Variants in ADGRB1 observed in about 807,000 individuals in gnomAD.
The protein encoded by ADGRB1 is brain-specific angiogenesis inhibitor 1.
Under a neutral mutation model 175.7 loss-of-function variants are expected in ADGRB1, and 36 were observed. The observed-to-expected ratio is 0.20, with a 90% CI of 0.16 to 0.27. The LOEUF is 0.27. Among genes scored for constraint, ADGRB1 ranks in the 10% least tolerant of loss-of-function variants. ADGRB1 has a pLI of 1.00. For synonymous variants in ADGRB1, 1,054 were observed against 979.4 expected, an observed-to-expected ratio of 1.08 and a Z score of -1.42; for missense variants, 1,731 against 2,255.3, an observed-to-expected ratio of 0.77 and a Z score of 4.71.
intron 18 of ADGRB1, among the ~76,000 whole-genome samples, chr8:142,516,830 C>A (rs1843477328): frequency 6.6e-6 from 1 of 152,158 alleles, no homozygotes. Context: ...TGGCTTATGA[C>A]TCAGGTGATG....
At position 142,484,640 on chromosome 8, in the gene ADGRB1, C is replaced by G; in HGVS notation, c.2200-16C>G. On this transcript the variant is annotated splice_polypyrimidine_tract_variant and intron_variant, in intron 12 of 30. Transcript: ENST00000517894. The stretch of plus-strand genomic sequence containing the variant: ...TGGGGCCTCCTCCCTCGGCTGCTCA[C>G]CCCCCTGCCCTCCAGGCGGGCCCCA... 6.3e-7 allele frequency: 1 copy of G among 1,598,720 alleles called. No individual in the cohort carries two copies. The highest frequency in any genetic ancestry group is 8.5e-7 in the Non-Finnish European group (1 of 1,173,586).
chr8:142,490,650 G>C (rs1290905370), intron 16 of ADGRB1, 122 bp from the exon 17 acceptor site: 12 of 1,201,172 alleles, frequency 1.0e-5, no homozygotes, highest in East Asian at 5.2e-5. Context: ...AACGCAGTCT[G>C]TTCAGGGACC....
intron 13 of ADGRB1, among the ~76,000 whole-genome samples, chr8:142,486,054 G>C (rs1161407419): frequency 6.6e-6 from 1 of 152,154 alleles, no homozygotes; most frequent in East Asian, 1.9e-4. Context: ...AGATGAAATT[G>C]GGGATTCAAT....
intron 18 of ADGRB1, among the ~76,000 whole-genome samples, chr8:142,514,979 G>T (rs1290322733): frequency 1.3e-5 from 2 of 152,152 alleles, no homozygotes; most frequent in South Asian, 2.1e-4. Context: ...GGGTAGAAAT[G>T]AGTCCTTAGG....
Position 142,477,285 on chromosome 8 carries a change from G to A in ADGRB1, c.1222+7G>A. On this transcript the variant is annotated splice_region_variant and intron_variant, in intron 5 of 30. Transcript: ENST00000517894. ...AACTCTGCCGTGTGCCCAGGTGGGTGGGACCTTGGGCTGGGGCAGCGGACA... is the reference window on the plus strand; with the variant it reads ...AACTCTGCCGTGTGCCCAGGTGGGTAGGACCTTGGGCTGGGGCAGCGGACA... 6.3e-7 allele frequency: 1 copy of A among 1,590,488 alleles called. No individual in the cohort carries two copies. The highest frequency in any genetic ancestry group is 8.6e-7 in the Non-Finnish European group (1 of 1,167,924).
chr8:142,516,005 G>A (rs1166198392), intron 18 of ADGRB1, among the ~76,000 whole-genome samples: 2 of 152,234 alleles, frequency 1.3e-5, no homozygotes, highest in Non-Finnish European at 1.5e-5. Context: ...CTGGTGGGTT[G>A]GCAGTGCTTC....
rs1842011065 is a variant in ADGRB1 at position 142,492,149 on chromosome 8, C to T, written c.2675+1334C>T. On this transcript the variant is annotated intron_variant, in intron 17 of 30. Transcript: ENST00000517894. This position sits in a 1 kb window ranked among gnomAD's most constrained non-coding sequence, Gnocchi z 4.4. ...CACCCTCCACCCACCAACCATCAACCCTCTCCTTCGTCCACCTGTTCTTTA... is the reference window on the plus strand; with the variant it reads ...CACCCTCCACCCACCAACCATCAACTCTCTCCTTCGTCCACCTGTTCTTTA... Among the ~76,000 whole-genome samples the T allele has an allele frequency of 6.6e-6, 1 of 152,082 alleles. No homozygotes were observed. Among genetic ancestry groups the T allele is most frequent in the Non-Finnish European group, 1.5e-5 (1 of 68,004 alleles).
At chr8:142,465,979 C>T (rs1840254940) in intron 2 of ADGRB1, among the ~76,000 whole-genome samples, 1 of 152,178 alleles carries the variant, frequency 6.6e-6, no homozygotes. Flanking sequence ...GGGTAGAGCC[C>T]TGTGGAGGCC....
intron 17 of ADGRB1, among the ~76,000 whole-genome samples, chr8:142,495,009 G>A (rs1842147713): frequency 6.6e-6 from 1 of 152,180 alleles, no homozygotes; most frequent in Admixed American, 6.5e-5. Flanking sequence ...GGGGACAGTG[G>A]CAGTTATGTC....
intron 25 of ADGRB1, among the ~76,000 whole-genome samples, chr8:142,536,170 T>C (rs1455215984): frequency 6.6e-6 from 1 of 151,962 alleles, no homozygotes; most frequent in Non-Finnish European, 1.5e-5. Context: ...CCAACTTCTG[T>C]TTGGATGCCT....
chr8:142,529,469 G>A (rs192053060), intron 24 of ADGRB1, among the ~76,000 whole-genome samples: 22 of 152,256 alleles, frequency 1.4e-4, no homozygotes, highest in South Asian at 8.3e-4. Context: ...GTTCTCTGCC[G>A]CCAGTGCCAC....
chr8:142,521,002 C>A, intron 20 of ADGRB1, 77 bp downstream of exon 20: 1 of 1,398,128 alleles, frequency 7.2e-7, no homozygotes, highest in Non-Finnish European at 9.9e-7. Flanking sequence ...GGGGCCTGGA[C>A]CGTGGGATCC....
intron 17 of ADGRB1, among the ~76,000 whole-genome samples, chr8:142,495,505 A>T (rs1033100435): frequency 6.6e-6 from 1 of 152,172 alleles, no homozygotes; most frequent in Non-Finnish European, 1.5e-5. Context: ...CCAGTTCTGG[A>T]GGCCAGAATC....
chr8:142,517,474 G>T (rs1181727625), intron 18 of ADGRB1, among the ~76,000 whole-genome samples: 1 of 152,198 alleles, frequency 6.6e-6, no homozygotes, highest in Non-Finnish European at 1.5e-5. Context: ...CAGGGGGCAG[G>T]GCTAGAGGTG....
intron 1 of ADGRB1, among the ~76,000 whole-genome samples, chr8:142,458,159 G>T (rs1352277568): frequency 6.6e-6 from 1 of 152,194 alleles, no homozygotes; most frequent in African/African-American, 2.4e-5. Context: ...CCCAGGGTCG[G>T]GTCTGTCCAG....
chr8:142,516,642 G>GGTGT (rs10638916), intron 18 of ADGRB1, among the ~76,000 whole-genome samples: 34,450 of 129,432 alleles, frequency 0.27, 4,956 homozygotes, highest in African/African-American at 0.4. Context: ...GCGGGTCCCA[G>GGTGT]GTGTGTGTGT....
chr8:142,532,356 C>T (rs757666225), intron 24 of ADGRB1, among the ~76,000 whole-genome samples: 13 of 152,224 alleles, frequency 8.5e-5, no homozygotes, highest in Non-Finnish European at 1.9e-4. Flanking sequence ...AGAGGCCACG[C>T]GCGGAACCCA....
chr8:142,495,946 G>A (rs957604040), intron 17 of ADGRB1, among the ~76,000 whole-genome samples: 1 of 150,834 alleles, frequency 6.6e-6, no homozygotes, highest in African/African-American at 2.4e-5. Context: ...TGGATAGGTG[G>A]GTGGGTGGAT....
intron 1 of ADGRB1, among the ~76,000 whole-genome samples, chr8:142,454,402 C>T (rs893988314): frequency 6.6e-6 from 1 of 152,184 alleles, no homozygotes; most frequent in African/African-American, 2.4e-5. Flanking sequence ...TGTGGGCTCA[C>T]GAGGACATGG....
Sources: gnomAD v4.1 joint callset for allele counts (sites outside exome capture counted in the v4.1 genomes callset) on GRCh38, gnomAD v4.1.1 for gene constraint, Gnocchi (gnomAD v3.1) non-coding constraint, MANE v1.5 for transcripts, NCBI Gene and HGNC (gene_info 2026-07-23, HGNC 2026-07-21) for gene names.